The following SLCO1C1 variants were observed in gnomAD, a reference collection of about 807,000 sequenced individuals.
SLCO1C1 encodes OAT-RP-5.
Under a neutral mutation model 76.4 loss-of-function variants are expected in SLCO1C1, and 70 were observed. That is an observed-to-expected ratio of 0.92 (90% CI 0.76 to 1.12). SLCO1C1 has a LOEUF of 1.12. SLCO1C1 is among the 50% of genes most tolerant of loss of function. The pLI, the probability that SLCO1C1 is intolerant of heterozygous loss-of-function variation, is 0.00. For synonymous variants in SLCO1C1, 306 were observed against 286.1 expected (o/e 1.07, Z -0.70); for missense variants, 912 against 823.8 (o/e 1.11, Z -1.31).
At chr12:20,711,685 TAA>T (rs1947110704) in intron 5 of SLCO1C1, among the ~76,000 whole-genome samples, 175 bp downstream of exon 5, 1 of 149,978 alleles carries the variant, frequency 6.7e-6, no homozygotes, top group African/African-American at 2.5e-5. Flanking sequence ...GATTAGATCC[TAA>T]GAAAATATAC....
At chr12:20,730,922 A>G (rs957971100) in intron 9 of SLCO1C1, among the ~76,000 whole-genome samples, 1 of 152,156 alleles carries the variant, frequency 6.6e-6, no homozygotes, top group African/African-American at 2.4e-5. Flanking sequence ...TAGGGGCCCA[A>G]GAGAGTTTGC....
At chr12:20,736,871 G>A (rs1333184953) in intron 10 of SLCO1C1, among the ~76,000 whole-genome samples, 1 of 152,130 alleles carries the variant, frequency 6.6e-6, no homozygotes, top group Non-Finnish European at 1.5e-5. Context: ...TATAAGCTAA[G>A]AACTGGACAT....
In SLCO1C1 at chr12:20,721,817, T is replaced by C; in HGVS notation, c.789T>C (p.Ile263=). 1.2e-6 allele frequency: 2 copies of C among 1,614,172 alleles called. No homozygotes were observed. Among genetic ancestry groups the C allele is most frequent in the South Asian group, 1.1e-5 (1 of 91,082 alleles). The change falls in exon 8 of 15, where the codon ATT becomes ATC. Residue 263 remains isoleucine, a synonymous_variant. Transcript: ENST00000266509. ...TCTGTCTTTCAGATCACATAACCAT[T>C]ACCCCAAAAGATCCCCAGTGGGTAG... ...IGFVNLDHIT[I]TPKDPQWVGA...
At chr12:20,714,281 G>A (rs1320463105) in intron 5 of SLCO1C1, among the ~76,000 whole-genome samples, 1 of 152,146 alleles carries the variant, frequency 6.6e-6, no homozygotes, top group Non-Finnish European at 1.5e-5. Context: ...TGCCTGCAAA[G>A]CACTTAGTTC....
intron 1 of SLCO1C1, chr12:20,696,679 G>A (rs920182442): frequency 1.3e-5 from 2 of 152,256 alleles, no homozygotes; most frequent in African/African-American, 4.8e-5. Flanking sequence ...CAAGTGGCCA[G>A]AGATCAATTA....
chr12:20,749,952 C>A (rs1949219220), intron 13 of SLCO1C1, among the ~76,000 whole-genome samples: 1 of 152,160 alleles, frequency 6.6e-6, no homozygotes, highest in Non-Finnish European at 1.5e-5. Context: ...AAGGAAACTA[C>A]ACAAGGCATT....
Position 20,752,380 on chromosome 12 carries a change from T to C in SLCO1C1, c.1991T>C (p.Leu664Ser). The C allele has an allele frequency of 6.2e-7, 1 of 1,613,438 alleles. No individual in the cohort carries two copies. The change falls in exon 15 of 15, where the codon TTA becomes TCA. Residue 664 changes from leucine to serine, a missense_variant. By Grantham distance (145) the Leu-to-Ser change is moderately radical. Transcript: ENST00000266509. ...ILLSIAVLFI[L>S]KKNYVSKHRS... ...CTAAGCATTGCAGTACTTTTCATTT[T>C]AAAGAAAAATTATGTTTCAAAACAC... is the stretch of plus-strand genomic sequence containing the variant.
chr12:20,746,225 G>T (rs1036655233), intron 13 of SLCO1C1, among the ~76,000 whole-genome samples: 1 of 152,058 alleles, frequency 6.6e-6, no homozygotes, highest in African/African-American at 2.4e-5. Flanking sequence ...AGCAACCGTA[G>T]TAACAATAAT....
In SLCO1C1 at chr12:20,715,297, A is replaced by G. The variant is rs749395737; in HGVS notation, c.676+12A>G. 1.9e-6 allele frequency: 3 copies of G among 1,612,850 alleles called. No individual in the cohort carries two copies. The Admixed American group carries it at 5.0e-5, about 27-fold the overall frequency. ...AGCTTTCTATATTGGTAATATTGGC[A>G]TATTGCTTCACTTATCTTCTTGGGA... On this transcript the variant is annotated intron_variant, in intron 6 of 14. Coordinates refer to ENST00000266509, the MANE Select transcript of SLCO1C1 (RefSeq NM_017435.5).
At chr12:20,717,033 C>A in intron 6 of SLCO1C1, 99 bp from the exon 7 acceptor site, 2 of 1,015,454 alleles carry the variant, frequency 2.0e-6, no homozygotes, top group South Asian at 1.5e-5. Context: ...ACATTTTGAG[C>A]TACTGACTGG....
intron 9 of SLCO1C1, among the ~76,000 whole-genome samples, chr12:20,727,754 C>G (rs1948092928): frequency 6.6e-6 from 1 of 152,182 alleles, no homozygotes; most frequent in South Asian, 2.1e-4. Context: ...TGTGATCTGC[C>G]CGCCTCGGCC....
intron 5 of SLCO1C1, among the ~76,000 whole-genome samples, chr12:20,713,083 C>CTTTCTTT (rs1947195877): frequency 7.0e-6 from 1 of 142,596 alleles, no homozygotes; most frequent in African/African-American, 2.6e-5. Flanking sequence ...AAGATGTTTT[C>CTTTCTTT]TTTTTTTTTT....
intron 3 of SLCO1C1, among the ~76,000 whole-genome samples, chr12:20,703,151 T>C (rs1182217196): frequency 6.6e-6 from 1 of 151,930 alleles, no homozygotes; most frequent in African/African-American, 2.4e-5. Context: ...CCCTAATTAT[T>C]TGAGTTACAT....
intron 9 of SLCO1C1, among the ~76,000 whole-genome samples, chr12:20,725,376 A>G (rs977283565): frequency 6.9e-5 from 10 of 144,774 alleles, no homozygotes; most frequent in African/African-American, 2.5e-4. Flanking sequence ...TAGTACAGAT[A>G]ATATAGTATA....
chr12:20,707,101 G>A (rs1946817378), intron 4 of SLCO1C1, among the ~76,000 whole-genome samples: 1 of 152,044 alleles, frequency 6.6e-6, no homozygotes, highest in South Asian at 2.1e-4. Flanking sequence ...AATTCTCTGA[G>A]TGGGAGCTTT....
intron 4 of SLCO1C1, among the ~76,000 whole-genome samples, chr12:20,706,477 G>A (rs1258616716): frequency 6.6e-6 from 1 of 152,018 alleles, no homozygotes; most frequent in Non-Finnish European, 1.5e-5. Flanking sequence ...TTAACTCAGG[G>A]ATATATTATC....
intron 10 of SLCO1C1, 70 bp downstream of exon 10, chr12:20,733,174 A>G: frequency 1.4e-6 from 2 of 1,391,988 alleles, no homozygotes; most frequent in Non-Finnish European, 1.9e-6. Context: ...GTGGAGTTGC[A>G]AAAAAGGAAT....
chr12:20,703,424 T>C (rs1311308462), intron 3 of SLCO1C1, among the ~76,000 whole-genome samples: 1 of 149,854 alleles, frequency 6.7e-6, no homozygotes, highest in Non-Finnish European at 1.5e-5. Context: ...GTTGTTGATA[T>C]TACCTTATTA....
intron 1 of SLCO1C1, among the ~76,000 whole-genome samples, chr12:20,698,928 T>C (rs916638567): frequency 2.0e-5 from 3 of 151,990 alleles, no homozygotes; most frequent in African/African-American, 7.2e-5. Flanking sequence ...GCTGTCTTTT[T>C]TACTTTAAGG....
Sources: allele counts gnomAD v4.1 joint callset (sites outside exome capture counted in the v4.1 genomes callset), GRCh38; gene constraint gnomAD v4.1.1; transcripts MANE v1.5; gene names NCBI Gene and HGNC (gene_info 2026-07-23, HGNC 2026-07-21).